ZFHX3: variants seen among roughly 807,000 people sequenced by gnomAD.
ZFHX3 encodes zinc finger homeobox protein 3.
Under a neutral mutation model 279.1 loss-of-function variants are expected in ZFHX3, and 42 were observed. The observed-to-expected ratio is 0.15, with a 90% CI of 0.12 to 0.19. The LOEUF is 0.19. Ranked by LOEUF, ZFHX3 falls within the 10% of genes least tolerant of loss-of-function variation. The pLI is 1.00. For synonymous variants in ZFHX3, 2,293 were observed against 1,957.8 expected, an observed-to-expected ratio of 1.17 and a Z score of -4.52; for missense variants, 4,981 against 4,754.0, an observed-to-expected ratio of 1.05 and a Z score of -1.40.
chr16:73,682,926 GAAAGAA>G lies in ZFHX3; in HGVS notation c.-1607-2692_-1607-2687del, dbSNP rs1567550639. On this transcript the variant is annotated intron_variant, in intron 1 of 17. Transcript: ENST00000641206. ...AGAAAGAGAAAGAAAGAGAGAAAGA[GAAAGAA>G]AGAAAGAAAGAAAGAAAGAAAGAAA... Among the ~76,000 whole-genome samples the G allele has an allele frequency of 9.1e-4, 23 of 25,230 alleles. 1 individual carries two copies. The highest frequency in any genetic ancestry group is 1.8e-3 in the South Asian group (1 of 562). The allele number at this position is 25,230 out of a possible 152,430, so 16.6% of individuals were successfully genotyped here. A position where few individuals can be genotyped will look rare whatever the true frequency, so the allele number is the denominator to read the frequency against.
intron 3 of ZFHX3, among the ~76,000 whole-genome samples, chr16:72,938,275 C>A (rs949605108): frequency 2.6e-4 from 40 of 152,274 alleles, no homozygotes; most frequent in African/African-American, 9.4e-4. Context: ...TCCAACAGGG[C>A]CCCGTGCCCA....
rs539049343 is a variant in ZFHX3 at position 72,959,880 on chromosome 16, G to A, written c.266C>T (p.Ala89Val). 6.2e-7 allele frequency: 1 copy of A among 1,602,848 alleles called. No homozygotes were observed. The change falls in exon 2 of 10, where the codon GCC becomes GTC. Residue 89 changes from alanine to valine, a missense_variant. By Grantham distance (64) the Ala-to-Val change is moderately conservative. Around this residue, in one of 7 missense-constraint regions of ZFHX3, gnomAD observed 1,068 missense variants for 935.2 expected, o/e 1.14. Coordinates refer to ENST00000268489, the MANE Select transcript of ZFHX3 (RefSeq NM_006885.4). The stretch of plus-strand genomic sequence containing the variant: ...GTGCTCCATGTAGGTCTGGAGGCTG[G>A]CAAAGGAGGCCGAACATTCGTTGCA... ...VTCNECSASF[A>V]SLQTYMEHHC...
intron 3 of ZFHX3, among the ~76,000 whole-genome samples, chr16:72,933,821 T>C (rs12445908): frequency 0.29 from 34,537 of 119,012 alleles, 5,771 homozygotes; most frequent in East Asian, 0.7. Context: ...TTCTTTTTTT[T>C]TTTTTTTTTT....
intron 2 of ZFHX3, among the ~76,000 whole-genome samples, chr16:73,596,248 C>G (rs1460869934): frequency 6.6e-6 from 1 of 152,114 alleles, no homozygotes; most frequent in Non-Finnish European, 1.5e-5. Flanking sequence ...TAGTCTCTAT[C>G]TCCTGACTTC....
chr16:72,799,716 A>C (rs567173382), intron 8 of ZFHX3, among the ~76,000 whole-genome samples: 17 of 152,342 alleles, frequency 1.1e-4, no homozygotes, highest in South Asian at 1.0e-3. Context: ...AATGGCTTAG[A>C]ATGGTAGGGC....
At chr16:73,756,557 G>C (rs1049292093) in intron 1 of ZFHX3, among the ~76,000 whole-genome samples, 1 of 150,272 alleles carries the variant, frequency 6.7e-6, no homozygotes, top group Admixed American at 6.6e-5. Flanking sequence ...GCCCTTCACT[G>C]GGGAGGGAGA....
At chr16:72,961,160 C>T (rs1359664932) in intron 1 of ZFHX3, among the ~76,000 whole-genome samples, 1 of 152,162 alleles carries the variant, frequency 6.6e-6, no homozygotes. Context: ...GCGTTCCCCA[C>T]GTGCCTGGTG....
chr16:73,882,666 T>C (rs950751302), intron 1 of ZFHX3, among the ~76,000 whole-genome samples: 1 of 152,052 alleles, frequency 6.6e-6, no homozygotes, highest in Non-Finnish European at 1.5e-5. Flanking sequence ...TACTTTAAAT[T>C]ACCCACATCA....
chr16:73,080,323 A>G (rs1965929109), intron 8 of ZFHX3, among the ~76,000 whole-genome samples: 1 of 152,194 alleles, frequency 6.6e-6, no homozygotes, highest in Non-Finnish European at 1.5e-5. Context: ...CATGTTATGG[A>G]CTGAAAGTTT....
chr16:73,143,157 T>G (rs576380836), intron 6 of ZFHX3, among the ~76,000 whole-genome samples: 1 of 152,200 alleles, frequency 6.6e-6, no homozygotes, highest in South Asian at 2.1e-4. Flanking sequence ...TTTAAGCTCA[T>G]TCTCACATCT....
At chr16:73,840,787 A>G (rs1961283391) in intron 1 of ZFHX3, among the ~76,000 whole-genome samples, 1 of 152,196 alleles carries the variant, frequency 6.6e-6, no homozygotes, top group African/African-American at 2.4e-5. Flanking sequence ...CCATGACAAT[A>G]TTTTGAAAAT....
intron 3 of ZFHX3, among the ~76,000 whole-genome samples, chr16:73,427,667 G>C (rs1252737601): frequency 6.6e-6 from 1 of 152,120 alleles, no homozygotes; most frequent in African/African-American, 2.4e-5. Flanking sequence ...TGGACAAAGT[G>C]ACTCATGCTT....
chr16:73,582,983 C>T (rs1174884249), intron 2 of ZFHX3, among the ~76,000 whole-genome samples: 2 of 152,142 alleles, frequency 1.3e-5, no homozygotes, highest in African/African-American at 4.8e-5. Context: ...TTTGACTAAT[C>T]TAAACATAAA....
intron 2 of ZFHX3, among the ~76,000 whole-genome samples, chr16:73,474,282 G>A (rs1170370042): frequency 2.0e-5 from 3 of 151,916 alleles, no homozygotes; most frequent in African/African-American, 7.3e-5. Flanking sequence ...CGAGTAGCAG[G>A]GATCACAGGT....
intron 5 of ZFHX3, among the ~76,000 whole-genome samples, chr16:73,244,749 G>C (rs1010520903): frequency 1.3e-5 from 2 of 152,192 alleles, no homozygotes; most frequent in African/African-American, 4.8e-5. Context: ...AAGGACAGGA[G>C]AGACTGCCTT....
At chr16:73,062,962 T>A (rs957067730), upstream of ZFHX3, among the ~76,000 whole-genome samples, 3 of 152,206 alleles carry the variant, frequency 2.0e-5, no homozygotes, top group Non-Finnish European at 4.4e-5. Flanking sequence ...TCTGTCTGGG[T>A]AGTTAACATG....
chr16:73,088,944 C>T (rs907803705), intron 8 of ZFHX3, among the ~76,000 whole-genome samples: 22 of 152,144 alleles, frequency 1.4e-4, no homozygotes, highest in Non-Finnish European at 2.4e-4. Context: ...AGAGAAAGCA[C>T]GAGGCAGAAA....
chr16:72,948,134 C>T (rs1960796140), intron 3 of ZFHX3, among the ~76,000 whole-genome samples: 1 of 152,178 alleles, frequency 6.6e-6, no homozygotes, highest in African/African-American at 2.4e-5. Context: ...GCTCCCCGCC[C>T]CCTGTGGCGA....
chr16:73,687,058 A>ATATATATG (rs1370607539), intron 1 of ZFHX3, among the ~76,000 whole-genome samples: 2 of 84,290 alleles, frequency 2.4e-5, no homozygotes, highest in African/African-American at 9.4e-5. Context: ...ATATATATAT[A>ATATATATG]TATATATTTG....
Sources: gnomAD v4.1 joint callset for allele counts (sites outside exome capture counted in the v4.1 genomes callset) on GRCh38, gnomAD v4.1.1 for gene constraint, gnomAD v4.1.1 regional missense constraint, MANE v1.5 for transcripts, NCBI Gene and HGNC (gene_info 2026-07-23, HGNC 2026-07-21) for gene names.